The following TNRC6B variants were observed in gnomAD, a reference collection of about 807,000 sequenced individuals.
TNRC6B encodes trinucleotide repeat containing adaptor 6B, also known as trinucleotide repeat-containing gene 6B protein.
TNRC6B carries 52 observed loss-of-function variants against 203.6 expected under a neutral mutation model. The observed-to-expected ratio is 0.26, with a 90% CI of 0.20 to 0.32. TNRC6B has a LOEUF of 0.32. Among genes scored for constraint, TNRC6B ranks in the 10% least tolerant of loss-of-function variants. TNRC6B has a pLI of 1.00. For synonymous variants in TNRC6B, 838 were observed against 845.7 expected, an observed-to-expected ratio of 0.99 and a Z score of 0.16; for missense variants, 1,923 against 2,286.2, an observed-to-expected ratio of 0.84 and a Z score of 3.24.
At chr22:40,143,433 T>TA (rs907119843) in intron 3 of TNRC6B, among the ~76,000 whole-genome samples, 20 of 151,870 alleles carry the variant, frequency 1.3e-4, no homozygotes, top group South Asian at 6.3e-4. Context: ...ACCTTGACTC[T>TA]AAAAAAAATC....
chr22:40,284,474 A>T (rs749028067), intron 11 of TNRC6B, among the ~76,000 whole-genome samples: 3 of 152,200 alleles, frequency 2.0e-5, no homozygotes, highest in Non-Finnish European at 4.4e-5. Context: ...ATAAGCAGTG[A>T]TGCAGCTGTC....
chr22:40,296,268 C>T (rs2070938408), intron 12 of TNRC6B, among the ~76,000 whole-genome samples: 1 of 150,524 alleles, frequency 6.6e-6, no homozygotes, highest in Non-Finnish European at 1.5e-5. Context: ...TGTGGAGCCT[C>T]AGATCAGAAA....
rs11913468 is a variant in TNRC6B, at chr22:40,331,823, T to G, written c.*8582T>G. Reference sequence around the variant, plus strand: ...TGTTCTTCAGTTTCTGTGTCCATGGTGTCCCCGTGTCCTGGAGGGGAAGGG... The same window carrying G: ...TGTTCTTCAGTTTCTGTGTCCATGGGGTCCCCGTGTCCTGGAGGGGAAGGG... On this transcript the variant is annotated 3_prime_UTR_variant, in exon 23 of 23. Transcript: ENST00000454349. 2 of 359,680 alleles carry G rather than the reference T, an allele frequency of 5.6e-6. No individual in the cohort carries two copies. The highest frequency in any genetic ancestry group is 3.8e-5 in the East Asian group (1 of 26,112). 22.3% of individuals were successfully genotyped at this position (359,680 alleles called of 1,614,324 possible).
chr22:40,289,078 G>T (rs1192856641), intron 12 of TNRC6B, among the ~76,000 whole-genome samples: 1 of 150,172 alleles, frequency 6.7e-6, no homozygotes, highest in Non-Finnish European at 1.5e-5. Flanking sequence ...ACCTCCCAAA[G>T]TGCTGGGATT....
chr22:40,277,590 G>C (rs149008455), intron 8 of TNRC6B, among the ~76,000 whole-genome samples: 1 of 152,314 alleles, frequency 6.6e-6, no homozygotes, highest in East Asian at 1.9e-4. Flanking sequence ...CCTGTCCCTG[G>C]TTGCCAAAAG....
At chr22:40,057,832 T>C (rs1008357746) in intron 1 of TNRC6B, among the ~76,000 whole-genome samples, 1 of 152,164 alleles carries the variant, frequency 6.6e-6, no homozygotes, top group Non-Finnish European at 1.5e-5. Flanking sequence ...AAAATCCTGC[T>C]GATGGTGTCT....
intron 1 of TNRC6B, among the ~76,000 whole-genome samples, chr22:40,195,599 A>G (rs544082547): frequency 6.6e-6 from 1 of 152,218 alleles, no homozygotes; most frequent in Non-Finnish European, 1.5e-5. Context: ...AGTTAGGACT[A>G]CAGGTGCACA....
At chr22:40,208,111 C>CA (rs905832467) in intron 1 of TNRC6B, among the ~76,000 whole-genome samples, 1,573 of 74,292 alleles carry the variant, frequency 0.021, 34 homozygotes, top group South Asian at 0.041. Flanking sequence ...GACTCCATCT[C>CA]AAAAAAAAAA....
chr22:40,284,518 T>C (rs952891156), intron 11 of TNRC6B, among the ~76,000 whole-genome samples: 1 of 152,132 alleles, frequency 6.6e-6, no homozygotes, highest in Non-Finnish European at 1.5e-5. Flanking sequence ...CATTTTCCGG[T>C]GTGTGGAATT....
At chr22:40,105,845 A>T (rs570916958) in intron 1 of TNRC6B, among the ~76,000 whole-genome samples, 1 of 152,200 alleles carries the variant, frequency 6.6e-6, no homozygotes, top group Non-Finnish European at 1.5e-5. Context: ...AGCAGAATCA[A>T]GCCAAACCAT....
chr22:40,093,925 T>A (rs530235723), intron 1 of TNRC6B, among the ~76,000 whole-genome samples: 1 of 151,258 alleles, frequency 6.6e-6, no homozygotes, highest in Non-Finnish European at 1.5e-5. Flanking sequence ...CAATAATCTA[T>A]TGTATATTTC....
At chr22:40,231,896 C>G (rs2069875715) in intron 1 of TNRC6B, among the ~76,000 whole-genome samples, 1 of 152,156 alleles carries the variant, frequency 6.6e-6, no homozygotes, top group Admixed American at 6.5e-5. Flanking sequence ...GCAACTGTTT[C>G]TAGAGAATAT....
At chr22:40,204,365 T>G (rs1387661232) in intron 1 of TNRC6B, among the ~76,000 whole-genome samples, 1 of 152,234 alleles carries the variant, frequency 6.6e-6, no homozygotes, top group Non-Finnish European at 1.5e-5. Flanking sequence ...CAATTTTTTT[T>G]GCCTTTGTTG....
At chr22:40,238,641 C>A (rs1169253575) in intron 1 of TNRC6B, among the ~76,000 whole-genome samples, 1 of 152,140 alleles carries the variant, frequency 6.6e-6, no homozygotes, top group African/African-American at 2.4e-5. Flanking sequence ...CCCCATCCCT[C>A]ACCTCAGTGA....
chr22:40,276,895 C>CATTTTTATAT (rs2070652179), intron 7 of TNRC6B, 182 bp from the exon 8 acceptor site: 3 of 403,806 alleles, frequency 7.4e-6, no homozygotes, highest in African/African-American at 4.1e-5. Flanking sequence ...AAAATGAAAA[C>CATTTTTATAT]ATAGATATAA....
chr22:40,305,637 A>T (rs989035796), intron 15 of TNRC6B, among the ~76,000 whole-genome samples: 1 of 151,868 alleles, frequency 6.6e-6, no homozygotes, highest in Admixed American at 6.5e-5. Context: ...TTCCTCTCAT[A>T]CTTTGGGGTT....
At chr22:40,320,471 C>T (rs1029262568) in intron 21 of TNRC6B, among the ~76,000 whole-genome samples, 2 of 152,166 alleles carry the variant, frequency 1.3e-5, no homozygotes, top group Non-Finnish European at 2.9e-5. Context: ...CAGAGCAAGG[C>T]TCTGTCTCAA....
chr22:40,183,246 A>T (rs2069159040), intron 1 of TNRC6B, among the ~76,000 whole-genome samples: 1 of 152,156 alleles, frequency 6.6e-6, no homozygotes, highest in African/African-American at 2.4e-5. Context: ...TTGCTTAGTA[A>T]GTGTTTCCTT....
chr22:40,317,450 C>T (rs768070626), intron 21 of TNRC6B, among the ~76,000 whole-genome samples: 6 of 152,270 alleles, frequency 3.9e-5, no homozygotes, highest in East Asian at 1.9e-4. Flanking sequence ...TAGTGGCACA[C>T]GCCTGTAGTC....
Sources: gnomAD v4.1 joint callset for allele counts (sites outside exome capture counted in the v4.1 genomes callset) on GRCh38, gnomAD v4.1.1 for gene constraint, MANE v1.5 for transcripts, NCBI Gene and HGNC (gene_info 2026-07-23, HGNC 2026-07-21) for gene names.